The following SSBP2 variants were observed in gnomAD, a reference collection of about 807,000 sequenced individuals.
The protein encoded by SSBP2 is single stranded DNA binding protein 2, also known as single-stranded DNA-binding protein 2.
Under a neutral mutation model 61.8 loss-of-function variants are expected in SSBP2, and 17 were observed. The observed-to-expected ratio is 0.28, with a 90% CI of 0.19 to 0.41. The LOEUF (loss-of-function observed/expected upper bound fraction) is 0.41, where lower values mean the gene tolerates loss of function less well. SSBP2 is among the 10% of genes least tolerant of loss of function. The pLI, the probability that SSBP2 is intolerant of heterozygous loss-of-function variation, is 1.00. For missense variants in SSBP2, 310 were observed against 458.7 expected, an observed-to-expected ratio of 0.68 and a Z score of 2.96; for synonymous variants, 139 against 141.3, an observed-to-expected ratio of 0.98 and a Z score of 0.12.
chr5:81,579,848 T>G (rs1484483840), intron 4 of SSBP2, among the ~76,000 whole-genome samples: 2 of 152,148 alleles, frequency 1.3e-5, no homozygotes, highest in Non-Finnish European at 2.9e-5. Flanking sequence ...AATTAAAACA[T>G]ATGGCTATTA....
intron 1 of SSBP2, among the ~76,000 whole-genome samples, chr5:81,656,156 A>G (rs1478740003): frequency 6.6e-6 from 1 of 152,072 alleles, no homozygotes; most frequent in African/African-American, 2.4e-5. Flanking sequence ...GGTTCAAGTG[A>G]ATCACCTACC....
At chr5:81,649,378 G>A (rs367883050) in intron 2 of SSBP2, among the ~76,000 whole-genome samples, 34 of 152,048 alleles carry the variant, frequency 2.2e-4, no homozygotes, top group African/African-American at 8.2e-4. Context: ...GCCAACCTAG[G>A]TGCCTATCAG....
At chr5:81,596,201 A>G (rs1412970666) in intron 4 of SSBP2, among the ~76,000 whole-genome samples, 1 of 152,124 alleles carries the variant, frequency 6.6e-6, no homozygotes, top group African/African-American at 2.4e-5. Context: ...GTAACAGACA[A>G]ACAGAGAGCC....
chr5:81,750,487 C>G (rs1357003434), intron 1 of SSBP2, among the ~76,000 whole-genome samples: 3 of 146,342 alleles, frequency 2.0e-5, no homozygotes, highest in African/African-American at 7.4e-5. Flanking sequence ...CCCCAGCGCC[C>G]AGGCCCCCGC....
intron 1 of SSBP2, among the ~76,000 whole-genome samples, chr5:81,742,976 G>C (rs1464389681): frequency 1.3e-5 from 2 of 152,144 alleles, no homozygotes; most frequent in African/African-American, 4.8e-5. Context: ...GAAGGTTTAG[G>C]AGAAATAATT....
At chr5:81,727,868 A>G (rs1282602481) in intron 1 of SSBP2, among the ~76,000 whole-genome samples, 1 of 152,204 alleles carries the variant, frequency 6.6e-6, no homozygotes, top group Non-Finnish European at 1.5e-5. Flanking sequence ...GTTACAGGAT[A>G]CAAGTGAAAC....
chr5:81,512,662 T>TA (rs1768706609), intron 5 of SSBP2, among the ~76,000 whole-genome samples: 1 of 152,168 alleles, frequency 6.6e-6, no homozygotes, highest in South Asian at 2.1e-4. Context: ...ATTCAACTGA[T>TA]ACGGTTTGGA....
chr5:81,682,261 A>T (rs1752442676), intron 1 of SSBP2, among the ~76,000 whole-genome samples: 1 of 152,206 alleles, frequency 6.6e-6, no homozygotes, highest in Non-Finnish European at 1.5e-5. Flanking sequence ...ATGACAGACC[A>T]ATATCTCTCA....
At chr5:81,646,611 C>CTT (rs56787398) in intron 2 of SSBP2, among the ~76,000 whole-genome samples, 10 of 131,936 alleles carry the variant, frequency 7.6e-5, no homozygotes, top group East Asian at 4.3e-4. Flanking sequence ...TTACATTCTC[C>CTT]TTTTTTTTTT....
chr5:81,538,874 G>A (rs1375740373), intron 4 of SSBP2, among the ~76,000 whole-genome samples: 2 of 152,192 alleles, frequency 1.3e-5, no homozygotes, highest in Admixed American at 6.5e-5. Flanking sequence ...AATGCATCTA[G>A]TCACCCAAGA....
Position 81,743,997 on chromosome 5 carries a change from C to T in SSBP2, c.62+6984G>A, listed in dbSNP as rs1227833846. ...TGATCAATTAAGCTGTTTTCTGTCT[C>T]CTGTTTTGATACCTGAAGCCAAAAG... On this transcript the variant is annotated intron_variant, in intron 1 of 16. Coordinates refer to ENST00000320672, the MANE Select transcript of SSBP2 (RefSeq NM_012446.5). 2.0e-5 allele frequency among the ~76,000 whole-genome samples: 3 copies of T among 152,274 alleles called. No individual in the cohort carries two copies. In the East Asian group the frequency reaches 5.8e-4, roughly 29 times the overall value.
In SSBP2 at chr5:81,417,170, ATCTTAACTTCGGATTCCTAGCTG is replaced by A. The variant is rs1761342630; in HGVS notation, c.*3311_*3333del. On this transcript the variant is annotated 3_prime_UTR_variant, in exon 17 of 17. Coordinates refer to ENST00000320672, the MANE Select transcript of SSBP2 (RefSeq NM_012446.5). ...TGAGTGCCCAGGCGGCAATTGAGAA[ATCTTAACTTCGGATTCCTAGCTG>A]TGAACTTCCTCTTTATCAGCAACTG... 6.6e-6 allele frequency: 1 copy of A among 152,154 alleles called. No individual in the cohort carries two copies. Among genetic ancestry groups the A allele is most frequent in the African/African-American group, 2.4e-5 (1 of 41,432 alleles). The allele number at this position is 152,154 out of a possible 1,614,324, so 9.4% of individuals were successfully genotyped here.
intron 4 of SSBP2, among the ~76,000 whole-genome samples, chr5:81,606,485 G>A (rs1338000416): frequency 6.6e-6 from 1 of 152,076 alleles, no homozygotes; most frequent in Non-Finnish European, 1.5e-5. Context: ...ATGTCTGAAC[G>A]CTCATCCAGA....
At chr5:81,533,324 TATA>T (rs1770560865) in intron 4 of SSBP2, among the ~76,000 whole-genome samples, 1 of 151,814 alleles carries the variant, frequency 6.6e-6, no homozygotes, top group Non-Finnish European at 1.5e-5. Flanking sequence ...TAAAAAAAAT[TATA>T]ATGAGTAATA....
intron 14 of SSBP2, among the ~76,000 whole-genome samples, chr5:81,438,629 A>G (rs1048577480): frequency 6.6e-6 from 1 of 152,172 alleles, no homozygotes; most frequent in African/African-American, 2.4e-5. Context: ...ATGTACAGTA[A>G]TGTTCATTAT....
chr5:81,446,482 T>G (rs2058932731), intron 12 of SSBP2, among the ~76,000 whole-genome samples: 1 of 152,168 alleles, frequency 6.6e-6, no homozygotes, highest in Non-Finnish European at 1.5e-5. Context: ...AGATAATAGA[T>G]GTGGTGAGTC....
At chr5:81,434,728 A>G (rs927348151) in intron 15 of SSBP2, among the ~76,000 whole-genome samples, 3 of 152,070 alleles carry the variant, frequency 2.0e-5, no homozygotes, top group Non-Finnish European at 4.4e-5. Flanking sequence ...CGAAAAAAAC[A>G]GGATGGAAAT....
At chr5:81,663,395 C>G (rs983287979) in intron 1 of SSBP2, among the ~76,000 whole-genome samples, 1 of 151,792 alleles carries the variant, frequency 6.6e-6, no homozygotes, top group Admixed American at 6.6e-5. Context: ...ATTTATAGAA[C>G]AATTAAAGTA....
intron 4 of SSBP2, among the ~76,000 whole-genome samples, chr5:81,542,318 T>C (rs1580970626): frequency 6.6e-6 from 1 of 152,322 alleles, no homozygotes; most frequent in East Asian, 1.9e-4. Flanking sequence ...TTAGTGGGAA[T>C]GTAATTTAGT....
Sources: gnomAD v4.1 joint callset for allele counts (sites outside exome capture counted in the v4.1 genomes callset) on GRCh38, gnomAD v4.1.1 for gene constraint, MANE v1.5 for transcripts, NCBI Gene and HGNC (gene_info 2026-07-23, HGNC 2026-07-21) for gene names.